AP1B1: variants seen among roughly 807,000 people sequenced by gnomAD.
AP1B1 encodes the protein AP-1 complex subunit beta-1.
AP1B1 carries 36 observed loss-of-function variants against 104.3 expected under a neutral mutation model. The ratio of observed to expected loss-of-function variants is 0.35; its 90% CI spans 0.26 to 0.46. The LOEUF (loss-of-function observed/expected upper bound fraction) is 0.46, where lower values mean the gene tolerates loss of function less well. Among genes scored for constraint, AP1B1 ranks in the 20% least tolerant of loss-of-function variants. AP1B1 has a pLI of 1.00. For synonymous variants in AP1B1, 504 were observed against 517.5 expected, an observed-to-expected ratio of 0.97 and a Z score of 0.35; for missense variants, 901 against 1,247.9, an observed-to-expected ratio of 0.72 and a Z score of 4.19.
intron 1 of AP1B1, among the ~76,000 whole-genome samples, chr22:29,376,172 T>G (rs1327726425): frequency 1.3e-5 from 2 of 152,078 alleles, no homozygotes; most frequent in Admixed American, 1.3e-4. Context: ...AGGTCTTCTG[T>G]AGGAAGGAAA....
At chr22:29,373,511 A>C (rs1407549511) in intron 1 of AP1B1, among the ~76,000 whole-genome samples, 1 of 152,172 alleles carries the variant, frequency 6.6e-6, no homozygotes, top group Non-Finnish European at 1.5e-5. Context: ...AGTGGGCATG[A>C]AGGGCCCCTG....
At chr22:29,386,989 T>C (rs1286428400) in intron 1 of AP1B1, among the ~76,000 whole-genome samples, 2 of 152,360 alleles carry the variant, frequency 1.3e-5, no homozygotes, top group East Asian at 3.9e-4. Context: ...TTCCAGAACC[T>C]AGGACCAAAA....
intron 22 of AP1B1, 106 bp downstream of exon 22, chr22:29,329,606 G>T: frequency 6.4e-7 from 1 of 1,567,094 alleles, no homozygotes; most frequent in South Asian, 1.2e-5. Flanking sequence ...CGGGTGAGGT[G>T]AGGCCAAGAG....
At chr22:29,377,175 GAC>G (rs1169238024) in intron 1 of AP1B1, among the ~76,000 whole-genome samples, 1 of 122,840 alleles carries the variant, frequency 8.1e-6, no homozygotes, top group Non-Finnish European at 1.6e-5. Flanking sequence ...CAGCCTGGGT[GAC>G]AGAGTGAGAC....
rs1191118407 is a variant in AP1B1, at chr22:29,335,333, G to A, written c.2164-923C>T. Among the ~76,000 whole-genome samples the A allele has an allele frequency of 3.3e-5, 5 of 152,154 alleles. No homozygotes were observed. The South Asian group carries it at 6.2e-4, about 19-fold the overall frequency. On this transcript the variant is annotated intron_variant, in intron 16 of 22. Transcript: ENST00000357586. ...AGACCCCACCGACAGCTTCCGCAGC[G>A]CACTCAGTGCCAACAAAGGTCCCAC...
chr22:29,369,642 T>C (rs758653389), intron 1 of AP1B1, among the ~76,000 whole-genome samples: 25 of 152,156 alleles, frequency 1.6e-4, no homozygotes, highest in Non-Finnish European at 3.1e-4. Flanking sequence ...TGCGCCAGGC[T>C]CACAGCTCCC....
intron 11 of AP1B1, among the ~76,000 whole-genome samples, chr22:29,346,798 G>A (rs916033402): frequency 6.6e-6 from 1 of 152,138 alleles, no homozygotes; most frequent in South Asian, 2.1e-4. Context: ...TGGCAGTGGG[G>A]GGGGGTGACG....
chr22:29,376,655 GT>G (rs201383593), intron 1 of AP1B1, among the ~76,000 whole-genome samples: 1 of 129,110 alleles, frequency 7.7e-6, no homozygotes, highest in East Asian at 3.5e-4. Context: ...TTAGGGAAGA[GT>G]GGAAAAAAAG....
chr22:29,367,973 T>C (rs1466420192), intron 1 of AP1B1, among the ~76,000 whole-genome samples: 2 of 152,128 alleles, frequency 1.3e-5, no homozygotes, highest in African/African-American at 2.4e-5. Context: ...GGACATCTCC[T>C]AGCGCAAAGC....
Position 29,334,420 on chromosome 22 carries a change from A to G in AP1B1, c.2164-10T>C, listed in dbSNP as rs763109797. 6.2e-7 allele frequency: 1 copy of G among 1,600,090 alleles called. No individual in the cohort carries two copies. The highest frequency in any genetic ancestry group is 1.1e-5 in the South Asian group (1 of 89,254). On this transcript the variant is annotated splice_polypyrimidine_tract_variant and intron_variant, in intron 16 of 22. Coordinates refer to ENST00000357586, the MANE Select transcript of AP1B1 (RefSeq NM_001127.4). ...TGGCTGGGAGCCAGACCTGCAGGGA[A>G]GAGGGTGCGGAGGGGGCGGGTAGGT...
At chr22:29,371,360 T>C (rs1238694437) in intron 1 of AP1B1, among the ~76,000 whole-genome samples, 1 of 152,224 alleles carries the variant, frequency 6.6e-6, no homozygotes, top group African/African-American at 2.4e-5. Context: ...TCATGCACTG[T>C]ATCCCTACCC....
chr22:29,369,210 C>T (rs6006110), intron 1 of AP1B1, among the ~76,000 whole-genome samples: 96 of 152,194 alleles, frequency 6.3e-4, no homozygotes, highest in African/African-American at 2.2e-3. Flanking sequence ...CCTCTGGAAA[C>T]CAAGCCAACA....
chr22:29,377,535 G>C (rs987452126), intron 1 of AP1B1, among the ~76,000 whole-genome samples: 7 of 152,178 alleles, frequency 4.6e-5, no homozygotes, highest in Non-Finnish European at 8.8e-5. Flanking sequence ...TCGTGGAAAG[G>C]CGTGGTGGTT....
intron 1 of AP1B1, among the ~76,000 whole-genome samples, chr22:29,378,711 T>C (rs939827706): frequency 6.6e-6 from 1 of 151,382 alleles, no homozygotes; most frequent in African/African-American, 2.4e-5. Flanking sequence ...TACAAAAAAT[T>C]AGCTGGGCCT....
chr22:29,355,996 T>C lies in AP1B1; in HGVS notation c.716+430A>G, dbSNP rs529628933. Reference sequence around the variant, plus strand: ...TCAGGTGAGCCCCAGCCAGGGGACCTGCACTATTCCCTCCACCTCTCTAAG... The same window carrying C: ...TCAGGTGAGCCCCAGCCAGGGGACCCGCACTATTCCCTCCACCTCTCTAAG... On this transcript the variant is annotated intron_variant, in intron 6 of 22. Coordinates refer to ENST00000357586, the MANE Select transcript of AP1B1 (RefSeq NM_001127.4). Among the ~76,000 whole-genome samples, 28 of 152,330 alleles carry C rather than the reference T, an allele frequency of 1.8e-4. 2 individuals carry two copies. The highest frequency in any genetic ancestry group is 6.7e-4 in the African/African-American group (28 of 41,578).
rs755643665 is a variant in AP1B1, at chr22:29,363,045, T to C, written c.99A>G (p.Ala33=). Residue 33 remains alanine, a synonymous_variant, in exon 3 of 23, where the codon GCA becomes GCG. Coordinates refer to ENST00000357586, the MANE Select transcript of AP1B1 (RefSeq NM_001127.4). The stretch of plus-strand genomic sequence containing the variant: ...TCATCGATGCAATCACTTTCTTCAC[T>C]GCCTCCTTCTTCTTCTCCTTCTTGT... The part of the protein sequence containing the change: ...NSDKKEKKKE[A]VKKVIASMTV... The C allele has an allele frequency of 1.2e-6, 2 of 1,606,358 alleles. No homozygotes were observed. The highest frequency in any genetic ancestry group is 2.2e-5 in the South Asian group (2 of 90,908).
intron 11 of AP1B1, among the ~76,000 whole-genome samples, chr22:29,346,636 C>T (rs889098256): frequency 6.6e-6 from 1 of 152,188 alleles, no homozygotes; most frequent in Non-Finnish European, 1.5e-5. Flanking sequence ...GCCATGGTGG[C>T]CCGGGGGTTG....
intron 1 of AP1B1, among the ~76,000 whole-genome samples, chr22:29,384,698 T>A (rs2062493745): frequency 6.6e-6 from 1 of 151,956 alleles, no homozygotes; most frequent in South Asian, 2.1e-4. Flanking sequence ...TGAAACCCCA[T>A]CTCTACTAAA....
intron 21 of AP1B1, chr22:29,330,039 T>C (rs2061533461): frequency 1.4e-6 from 2 of 1,408,706 alleles, no homozygotes; most frequent in East Asian, 5.2e-5. Context: ...TCCTCCCAGC[T>C]GGACATGCAG....
Sources: allele counts gnomAD v4.1 joint callset (sites outside exome capture counted in the v4.1 genomes callset), GRCh38; gene constraint gnomAD v4.1.1; transcripts MANE v1.5; gene names NCBI Gene and HGNC (gene_info 2026-07-23, HGNC 2026-07-21).